The following KANSL1 variants were observed in gnomAD, a reference collection of about 807,000 sequenced individuals.
KANSL1 encodes KAT8 regulatory NSL complex subunit 1.
Under a neutral mutation model 103.6 loss-of-function variants are expected in KANSL1, and 22 were observed. The ratio of observed to expected loss-of-function variants is 0.21; its 90% confidence interval spans 0.15 to 0.30. The LOEUF is 0.30. Among genes scored for constraint, KANSL1 ranks in the 10% least tolerant of loss-of-function variants. The pLI is 1.00. For synonymous variants in KANSL1, 600 were observed against 527.6 expected (o/e 1.14, Z -1.88); for missense variants, 1,337 against 1,399.8 (o/e 0.96, Z 0.72).
intron 4 of KANSL1, among the ~76,000 whole-genome samples, chr17:46,068,593 C>A (rs887286225): frequency 1.3e-5 from 2 of 152,006 alleles, no homozygotes; most frequent in African/African-American, 4.8e-5. Context: ...TAAATAAACA[C>A]ACACACACAT....
chr17:46,184,515 G>C (rs1164565715), intron 1 of KANSL1, among the ~76,000 whole-genome samples: 1 of 152,224 alleles, frequency 6.6e-6, no homozygotes, highest in African/African-American at 2.4e-5. Context: ...ACTGACTCTA[G>C]AGTAAGGATG....
At chr17:46,220,133 TTC>T (rs2048480367) in intron 1 of KANSL1, among the ~76,000 whole-genome samples, 1 of 152,144 alleles carries the variant, frequency 6.6e-6, no homozygotes, top group Admixed American at 6.5e-5. Context: ...AAAAAAACTA[TTC>T]TCTCAGTTAG....
chr17:46,061,800 G>A (rs1320089536), intron 6 of KANSL1, among the ~76,000 whole-genome samples: 1 of 152,018 alleles, frequency 6.6e-6, no homozygotes, highest in Non-Finnish European at 1.5e-5. Context: ...AAACATAATA[G>A]TTACAGATTG....
At chr17:46,078,854 T>C (rs1328008379) in intron 4 of KANSL1, among the ~76,000 whole-genome samples, 1 of 152,212 alleles carries the variant, frequency 6.6e-6, no homozygotes, top group African/African-American at 2.4e-5. Context: ...TTACATGCTC[T>C]CTTTCCAAGG....
At chr17:46,089,398 C>CTTT (rs377351806) in intron 3 of KANSL1, among the ~76,000 whole-genome samples, 20,536 of 144,632 alleles carry the variant, frequency 0.14, 1,980 homozygotes, top group Non-Finnish European at 0.21. Flanking sequence ...GTCACAAATA[C>CTTT]TTTTTTTTTT....
At chr17:46,199,878 G>C (rs1387357249) in intron 1 of KANSL1, among the ~76,000 whole-genome samples, 1 of 152,190 alleles carries the variant, frequency 6.6e-6, no homozygotes, top group East Asian at 1.9e-4. Context: ...AAACAAGTCA[G>C]GTTCTCTCAG....
chr17:46,169,653 C>T (rs1210979620), intron 2 of KANSL1: 2 of 152,272 alleles, frequency 1.3e-5, no homozygotes, highest in African/African-American at 4.8e-5. Context: ...TCCTGCCCCT[C>T]TTTTCCAACT....
intron 7 of KANSL1, among the ~76,000 whole-genome samples, chr17:46,047,860 AACAG>A (rs1248486783): frequency 5.3e-5 from 8 of 151,178 alleles, no homozygotes; most frequent in Admixed American, 2.0e-4. Context: ...TATTATGAAG[AACAG>A]CATGGAGCCC....
At chr17:46,214,892 G>T (rs1055137543) in intron 1 of KANSL1, among the ~76,000 whole-genome samples, 3 of 152,206 alleles carry the variant, frequency 2.0e-5, no homozygotes, top group African/African-American at 2.4e-5. Flanking sequence ...GTAAAAAATA[G>T]TATGTCATTT....
intron 1 of KANSL1, chr17:46,221,875 T>C (rs1765743304): frequency 6.6e-6 from 1 of 152,186 alleles, no homozygotes; most frequent in South Asian, 2.1e-4. Flanking sequence ...GTTTTAAGGA[T>C]ATTCACCAAT....
At chr17:46,047,824 A>C (rs926728167) in intron 7 of KANSL1, among the ~76,000 whole-genome samples, 8 of 151,298 alleles carry the variant, frequency 5.3e-5, no homozygotes, top group African/African-American at 1.9e-4. Context: ...AAAAACAAAA[A>C]AAAAACTTAC....
At chr17:46,110,683 G>A (rs954922981) in intron 2 of KANSL1, among the ~76,000 whole-genome samples, 5 of 152,204 alleles carry the variant, frequency 3.3e-5, no homozygotes, top group African/African-American at 4.8e-5. Flanking sequence ...CAAATAAAAA[G>A]AGTATTTGAT....
At chr17:46,159,418 C>A (rs556008019) in intron 2 of KANSL1, among the ~76,000 whole-genome samples, 1 of 152,350 alleles carries the variant, frequency 6.6e-6, no homozygotes, top group South Asian at 2.1e-4. Flanking sequence ...CTAGTTCATC[C>A]TTCAAGTTTT....
At chr17:46,176,202 AGCAAGG>A (rs1435533940) in intron 1 of KANSL1, among the ~76,000 whole-genome samples, 1 of 152,254 alleles carries the variant, frequency 6.6e-6, no homozygotes, top group African/African-American at 2.4e-5. Context: ...TGAGGACCCA[AGCAAGG>A]GCACAAATAT....
At chr17:46,206,352 T>C (rs1449658035) in intron 1 of KANSL1, among the ~76,000 whole-genome samples, 1 of 152,256 alleles carries the variant, frequency 6.6e-6, no homozygotes, top group Non-Finnish European at 1.5e-5. Flanking sequence ...AATATAAGTG[T>C]GGGTTCAGAA....
rs555512760 is a variant in KANSL1, at chr17:46,158,101, C to T, written c.1289+12754G>A. Among the ~76,000 whole-genome samples the T allele has an allele frequency of 2.0e-5, 3 of 152,328 alleles. No homozygotes were observed. The South Asian group carries it at 6.2e-4, about 32-fold the overall frequency. On this transcript the variant is annotated intron_variant, in intron 2 of 14. Transcript: ENST00000432791. ...TGAATCAATGAAGTATTCAACTATG[C>T]TAATTTTATGCACCTAAAAAGCAGT...
upstream of KANSL1, chr17:46,196,458 GA>G: frequency 2.2e-6 from 1 of 454,740 alleles, no homozygotes; most frequent in Non-Finnish European, 4.4e-6. Context: ...AATGATGGAG[GA>G]AAAAACAGTC....
intron 1 of KANSL1, among the ~76,000 whole-genome samples, chr17:46,174,502 C>G (rs1278662555): frequency 1.3e-5 from 2 of 152,152 alleles, no homozygotes; most frequent in East Asian, 3.8e-4. Flanking sequence ...ATTTTAAAAG[C>G]CATTTCTGAT....
At chr17:46,193,722 C>A, upstream of KANSL1, 1 of 252,382 alleles carries the variant, frequency 4.0e-6, no homozygotes, top group Non-Finnish European at 8.3e-6. Flanking sequence ...GGGAAGCCAG[C>A]CCTCGCTGCG....
Sources: allele counts gnomAD v4.1 joint callset (sites outside exome capture counted in the v4.1 genomes callset), GRCh38; gene constraint gnomAD v4.1.1; transcripts MANE v1.5; gene names NCBI Gene and HGNC (gene_info 2026-07-23, HGNC 2026-07-21).